The following OLA1 variants were observed in gnomAD, a reference collection of about 807,000 sequenced individuals.
The protein encoded by OLA1 is Obg like ATPase 1, also known as obg-like ATPase 1.
OLA1 carries 14 observed loss-of-function variants against 48.4 expected under a neutral mutation model. The observed-to-expected ratio is 0.29, with a 90% CI of 0.19 to 0.45. The LOEUF (loss-of-function observed/expected upper bound fraction) is 0.45. Among genes scored for constraint, OLA1 ranks in the 20% least tolerant of loss-of-function variants. The pLI is 1.00. For missense variants in OLA1, 325 were observed against 467.1 expected, an observed-to-expected ratio of 0.70 and a Z score of 2.80; for synonymous variants, 127 against 150.4, an observed-to-expected ratio of 0.84 and a Z score of 1.14.
At chr2:174,122,123 T>A (rs1359286969) in intron 7 of OLA1, among the ~76,000 whole-genome samples, 1 of 152,214 alleles carries the variant, frequency 6.6e-6, no homozygotes, top group East Asian at 1.9e-4. Context: ...GAATGAAATC[T>A]TTATGTTAAA....
intron 4 of OLA1, among the ~76,000 whole-genome samples, chr2:174,206,082 A>C (rs1688107571): frequency 6.6e-6 from 1 of 152,248 alleles, no homozygotes; most frequent in Non-Finnish European, 1.5e-5. Flanking sequence ...TTATAAGGAA[A>C]TGAAGATTCA....
intron 4 of OLA1, among the ~76,000 whole-genome samples, chr2:174,193,204 C>T (rs529465545): frequency 6.6e-6 from 1 of 152,032 alleles, no homozygotes; most frequent in East Asian, 1.9e-4. Context: ...ATTCTCGTGC[C>T]TCAGCTTCCC....
At chr2:174,131,884 A>C (rs1311962569) in intron 5 of OLA1, among the ~76,000 whole-genome samples, 1 of 152,002 alleles carries the variant, frequency 6.6e-6, no homozygotes, top group East Asian at 1.9e-4. Context: ...TTACATTGTA[A>C]GATTTTGGTA....
At chr2:174,159,717 CATAAACT>C (rs1686968799) in intron 4 of OLA1, among the ~76,000 whole-genome samples, 2 of 151,940 alleles carry the variant, frequency 1.3e-5, no homozygotes, top group African/African-American at 2.4e-5. Context: ...TTCTGGGTGC[CATAAACT>C]ATAAAGTTAT....
At chr2:174,135,029 G>A (rs544295225) in intron 5 of OLA1, among the ~76,000 whole-genome samples, 10 of 151,930 alleles carry the variant, frequency 6.6e-5, no homozygotes, top group African/African-American at 1.4e-4. Flanking sequence ...GCATGGTGGC[G>A]GGCGCCTGTA....
intron 4 of OLA1, among the ~76,000 whole-genome samples, chr2:174,201,942 T>C (rs566006554): frequency 2.0e-5 from 3 of 152,154 alleles, no homozygotes; most frequent in South Asian, 2.1e-4. Context: ...GGAAATATAA[T>C]AGAATTGACC....
intron 5 of OLA1, among the ~76,000 whole-genome samples, chr2:174,138,665 C>G (rs934894010): frequency 2.0e-5 from 3 of 152,188 alleles, no homozygotes; most frequent in Non-Finnish European, 2.9e-5. Context: ...CCCACAATAT[C>G]TGTGGAACCG....
At chr2:174,147,546 C>T (rs748612009) in intron 4 of OLA1, among the ~76,000 whole-genome samples, 1 of 152,148 alleles carries the variant, frequency 6.6e-6, no homozygotes, top group Non-Finnish European at 1.5e-5. Context: ...AAAAACCATA[C>T]TTGAGGTTCA....
chr2:174,113,004 G>T (rs1685690783), intron 7 of OLA1, among the ~76,000 whole-genome samples: 1 of 152,106 alleles, frequency 6.6e-6, no homozygotes, highest in Admixed American at 6.5e-5. Context: ...GCAATGGCAT[G>T]ATCTTGACTC....
intron 7 of OLA1, among the ~76,000 whole-genome samples, chr2:174,090,165 G>A (rs1685082029): frequency 6.6e-6 from 1 of 152,128 alleles, no homozygotes; most frequent in Non-Finnish European, 1.5e-5. Flanking sequence ...ATGTGTGTGT[G>A]TATGTGTAAG....
At chr2:174,191,049 A>G (rs546043197) in intron 4 of OLA1, among the ~76,000 whole-genome samples, 1 of 152,080 alleles carries the variant, frequency 6.6e-6, no homozygotes, top group Non-Finnish European at 1.5e-5. Flanking sequence ...TCTATTGTAC[A>G]TAACAGTGAG....
At chr2:174,097,885 A>G (rs1451332881) in intron 7 of OLA1, among the ~76,000 whole-genome samples, 1 of 152,130 alleles carries the variant, frequency 6.6e-6, no homozygotes, top group African/African-American at 2.4e-5. Context: ...TTATTCTAAT[A>G]AAAGAGTCCA....
intron 4 of OLA1, among the ~76,000 whole-genome samples, chr2:174,177,577 C>A (rs1687447526): frequency 6.6e-6 from 1 of 152,096 alleles, no homozygotes; most frequent in South Asian, 2.1e-4. Flanking sequence ...TCTTAGACTG[C>A]TTGGAACAAA....
intron 5 of OLA1, among the ~76,000 whole-genome samples, chr2:174,138,536 C>T (rs950232519): frequency 6.6e-6 from 1 of 151,982 alleles, no homozygotes; most frequent in Non-Finnish European, 1.5e-5. Context: ...TAAGAATTAC[C>T]AAAATGTGAC....
At chr2:174,223,267 T>C in intron 3 of OLA1, 107 bp from the exon 4 acceptor site, 3 of 1,102,226 alleles carry the variant, frequency 2.7e-6, no homozygotes, top group Non-Finnish European at 3.9e-6. Flanking sequence ...TCTAGAACAA[T>C]GGAACAATAA....
rs1574547264 is a variant in OLA1 at position 174,201,541 on chromosome 2, G to C, written c.373+21492C>G. Among the ~76,000 whole-genome samples the C allele has an allele frequency of 2.0e-5, 3 of 152,064 alleles. No homozygotes were observed. The East Asian group carries it at 5.8e-4, about 29-fold the overall frequency. ...TTTTTTTTATTGTTTAGTAGAGAAG[G>C]GGGGTCTCACTATGTTGTCCTGGCT... On this transcript the variant is annotated intron_variant, in intron 4 of 10. Transcript: ENST00000284719.
At chr2:174,211,006 T>C (rs191362954) in intron 4 of OLA1, among the ~76,000 whole-genome samples, 39 of 152,290 alleles carry the variant, frequency 2.6e-4, no homozygotes, top group African/African-American at 8.9e-4. Flanking sequence ...TGGCAGAGGA[T>C]AGATAAGGCC....
At chr2:174,198,624 T>C (rs1384844188) in intron 4 of OLA1, among the ~76,000 whole-genome samples, 1 of 151,966 alleles carries the variant, frequency 6.6e-6, no homozygotes, top group East Asian at 1.9e-4. Context: ...CTACTAAAAA[T>C]ACATAAATTA....
intron 7 of OLA1, among the ~76,000 whole-genome samples, chr2:174,087,757 T>C (rs1426820759): frequency 6.6e-6 from 1 of 152,158 alleles, no homozygotes; most frequent in Admixed American, 6.5e-5. Flanking sequence ...TTTCCCCACC[T>C]CATGCCTTTC....
Sources: allele counts gnomAD v4.1 joint callset (sites outside exome capture counted in the v4.1 genomes callset), GRCh38; gene constraint gnomAD v4.1.1; transcripts MANE v1.5; gene names NCBI Gene and HGNC (gene_info 2026-07-23, HGNC 2026-07-21).